The following WDR41 variants were observed in gnomAD, a reference collection of about 807,000 sequenced individuals.
The protein encoded by WDR41 is WD repeat-containing protein 41.
Under a neutral mutation model 69.3 loss-of-function variants are expected in WDR41, and 63 were observed. The ratio of observed to expected loss-of-function variants is 0.91; its 90% confidence interval spans 0.74 to 1.12. WDR41 has a LOEUF of 1.12. Among genes scored for constraint, WDR41 ranks in the 50% most tolerant of loss-of-function variants. WDR41 has a pLI of 0.00. For synonymous variants in WDR41, 185 were observed against 192.1 expected (o/e 0.96, Z 0.31); for missense variants, 543 against 534.5 (o/e 1.02, Z -0.16).
intron 2 of WDR41, among the ~76,000 whole-genome samples, chr5:77,470,387 C>T (rs1800529769): frequency 6.6e-6 from 1 of 152,108 alleles, no homozygotes; most frequent in Non-Finnish European, 1.5e-5. Context: ...GCAAAATAAC[C>T]AGCTAACATC....
Position 77,492,300 on chromosome 5 carries a change from C to G in WDR41, c.-80G>C. ...CCAGGCTCGGCCTCCTCCTTCCTCC[C>G]CGGCTGCAGCGCAACTGAGACGCTA... On this transcript the variant is annotated 5_prime_UTR_variant, in exon 1 of 13. Transcript: ENST00000296679. 1 of 1,577,284 alleles carries G rather than the reference C, an allele frequency of 6.3e-7. No individual in the cohort carries two copies. Among genetic ancestry groups the G allele is most frequent in the South Asian group, 1.1e-5 (1 of 87,770 alleles).
At chr5:77,491,498 A>C (rs1016778077) in intron 1 of WDR41, among the ~76,000 whole-genome samples, 1 of 152,198 alleles carries the variant, frequency 6.6e-6, no homozygotes, top group African/African-American at 2.4e-5. Context: ...CAAAATTTCC[A>C]AGACTGCAAA....
intron 5 of WDR41, among the ~76,000 whole-genome samples, chr5:77,455,130 G>A (rs1266824971): frequency 6.6e-6 from 1 of 152,020 alleles, no homozygotes; most frequent in Non-Finnish European, 1.5e-5. Flanking sequence ...GGTTACAATT[G>A]CTCCACATTC....
intron 1 of WDR41, among the ~76,000 whole-genome samples, chr5:77,592,055 A>G (rs1744146282): frequency 6.6e-6 from 1 of 152,142 alleles, no homozygotes; most frequent in African/African-American, 2.4e-5. Context: ...GTTATTAAGA[A>G]TATGCAAATT....
intron 1 of WDR41, among the ~76,000 whole-genome samples, chr5:77,535,338 G>A (rs966523169): frequency 2.0e-5 from 3 of 152,148 alleles, no homozygotes; most frequent in African/African-American, 2.4e-5. Flanking sequence ...AAGGGTGGCC[G>A]TATGGATGTT....
intron 1 of WDR41, among the ~76,000 whole-genome samples, chr5:77,529,806 T>C (rs1203191414): frequency 6.6e-6 from 1 of 151,616 alleles, no homozygotes; most frequent in East Asian, 1.9e-4. Context: ...TCTGGAAAAA[T>C]TGTATATTCA....
At chr5:77,533,091 G>T (rs1742886602) in intron 1 of WDR41, among the ~76,000 whole-genome samples, 1 of 152,102 alleles carries the variant, frequency 6.6e-6, no homozygotes, top group Non-Finnish European at 1.5e-5. Context: ...TACATTGCTG[G>T]TGGGAATATA....
intron 2 of WDR41, among the ~76,000 whole-genome samples, chr5:77,482,661 G>A (rs1205897614): frequency 6.6e-6 from 1 of 151,912 alleles, no homozygotes; most frequent in Non-Finnish European, 1.5e-5. Context: ...TACTCCATCC[G>A]GAAATATAAT....
chr5:77,499,386 G>A (rs1801984114), intron 1 of WDR41: 1 of 152,240 alleles, frequency 6.6e-6, no homozygotes, highest in South Asian at 2.1e-4. Context: ...GAGAATGCAG[G>A]AATCCTCTGG....
At chr5:77,540,598 A>G (rs1448462821) in intron 1 of WDR41, 2 of 152,078 alleles carry the variant, frequency 1.3e-5, no homozygotes, top group African/African-American at 4.8e-5. Flanking sequence ...CCAGGCTCGT[A>G]GGGAGGATGA....
At chr5:77,541,156 G>A (rs1309545183) in intron 1 of WDR41, among the ~76,000 whole-genome samples, 3 of 152,186 alleles carry the variant, frequency 2.0e-5, no homozygotes, top group African/African-American at 4.8e-5. Context: ...TGTCATCAGA[G>A]TGAACAGACA....
intron 5 of WDR41, among the ~76,000 whole-genome samples, chr5:77,457,581 T>C (rs2151314294): frequency 6.6e-6 from 1 of 152,248 alleles, no homozygotes; most frequent in Middle Eastern, 3.4e-3. Context: ...TTTATTTAGA[T>C]TCATTCATAA....
At chr5:77,457,619 A>T (rs1421667949) in intron 5 of WDR41, among the ~76,000 whole-genome samples, 1 of 152,136 alleles carries the variant, frequency 6.6e-6, no homozygotes, top group Non-Finnish European at 1.5e-5. Flanking sequence ...GGAAGATCAT[A>T]TCAATTTATA....
At chr5:77,513,703 T>G (rs1802244496) in intron 1 of WDR41, among the ~76,000 whole-genome samples, 1 of 152,206 alleles carries the variant, frequency 6.6e-6, no homozygotes, top group Non-Finnish European at 1.5e-5. Context: ...CCGAACAATT[T>G]CCAAAAACAG....
chr5:77,464,953 G>GAAAC (rs1800240963), intron 2 of WDR41, 144 bp from the exon 3 acceptor site: 2 of 791,562 alleles, frequency 2.5e-6, no homozygotes, highest in Admixed American at 5.1e-5. Context: ...AAATATTTAT[G>GAAAC]AAACACATTC....
chr5:77,591,874 T>C (rs959358302), intron 1 of WDR41, among the ~76,000 whole-genome samples: 1 of 152,156 alleles, frequency 6.6e-6, no homozygotes, highest in Non-Finnish European at 1.5e-5. Context: ...GGTTGTTAAA[T>C]ACTGATTGTA....
chr5:77,446,581 T>C (rs1017851634), intron 8 of WDR41, among the ~76,000 whole-genome samples: 4 of 152,184 alleles, frequency 2.6e-5, no homozygotes, highest in South Asian at 2.1e-4. Flanking sequence ...AACAGACATA[T>C]AGACCAATGG....
intron 1 of WDR41, among the ~76,000 whole-genome samples, chr5:77,566,384 A>T (rs557417265): frequency 6.6e-6 from 1 of 152,262 alleles, no homozygotes; most frequent in East Asian, 1.9e-4. Flanking sequence ...TTATATTGAT[A>T]CTACATAACC....
chr5:77,503,617 T>A (rs895441721), intron 1 of WDR41, among the ~76,000 whole-genome samples: 1 of 152,168 alleles, frequency 6.6e-6, no homozygotes, highest in African/African-American at 2.4e-5. Context: ...ATTGACCACA[T>A]AATTGGAAGT....
Sources: allele counts gnomAD v4.1 joint callset (sites outside exome capture counted in the v4.1 genomes callset), GRCh38; gene constraint gnomAD v4.1.1; transcripts MANE v1.5; gene names NCBI Gene and HGNC (gene_info 2026-07-23, HGNC 2026-07-21).